Variants in LINGO2 observed in about 807,000 individuals in gnomAD.
LINGO2 encodes leucine-rich repeat and immunoglobulin-like domain-containing nogo receptor-interacting protein 2.
Under a neutral mutation model 30.6 loss-of-function variants are expected in LINGO2, and 14 were observed. That is an observed-to-expected ratio of 0.46 (90% CI 0.30 to 0.72). The LOEUF (loss-of-function observed/expected upper bound fraction) is 0.72, where lower values mean the gene tolerates loss of function less well. Ranked by LOEUF, LINGO2 falls within the 30% of genes least tolerant of loss-of-function variation. LINGO2 has a pLI of 0.07. For synonymous variants in LINGO2, 317 were observed against 288.5 expected (o/e 1.10, Z -1.00); for missense variants, 729 against 751.7 (o/e 0.97, Z 0.35).
At chr9:29,015,420 C>T in the LINGO2 span, among the ~76,000 whole-genome samples, 2 of 152,124 alleles carry the variant, frequency 1.3e-5, no homozygotes, top group Non-Finnish European at 2.9e-5. Flanking sequence ...GGGGGCCAGA[C>T]AATAAATGCT....
chr9:29,074,562 T>C, the LINGO2 span, among the ~76,000 whole-genome samples: 1 of 152,162 alleles, frequency 6.6e-6, no homozygotes, highest in Non-Finnish European at 1.5e-5. Context: ...ATGGAGATAA[T>C]GGCACATCCA....
intron 4 of LINGO2, among the ~76,000 whole-genome samples, chr9:28,067,843 AC>A (rs1825359873): frequency 6.6e-6 from 1 of 152,222 alleles, no homozygotes; most frequent in Admixed American, 6.6e-5. Context: ...CGATGTAGAT[AC>A]GTTGGGCATT....
chr9:29,002,810 C>A, the LINGO2 span, among the ~76,000 whole-genome samples: 2 of 152,012 alleles, frequency 1.3e-5, no homozygotes, highest in African/African-American at 4.8e-5. Flanking sequence ...GTGTAGTGTC[C>A]TTTACCTGCT....
At chr9:29,059,723 T>C in the LINGO2 span, among the ~76,000 whole-genome samples, 1 of 152,062 alleles carries the variant, frequency 6.6e-6, no homozygotes, top group African/African-American at 2.4e-5. Context: ...CAGCCTGACG[T>C]TATCATAATT....
the LINGO2 span, among the ~76,000 whole-genome samples, chr9:28,798,370 G>T: frequency 6.6e-6 from 1 of 152,186 alleles, no homozygotes; most frequent in East Asian, 1.9e-4. Flanking sequence ...GACACAAGTA[G>T]AGAAGTTGAC....
chr9:28,179,383 A>G (rs1828839618), intron 4 of LINGO2, among the ~76,000 whole-genome samples: 1 of 132,264 alleles, frequency 7.6e-6, no homozygotes, highest in Admixed American at 8.0e-5. Context: ...TATGCTATAT[A>G]TAGTATATAT....
intron 4 of LINGO2, among the ~76,000 whole-genome samples, chr9:28,255,185 C>T (rs562510019): frequency 6.6e-6 from 1 of 151,926 alleles, no homozygotes; most frequent in Non-Finnish European, 1.5e-5. Context: ...CCTTCCTTCC[C>T]TCCCTCTCTC....
chr9:28,712,613 T>C, the LINGO2 span, among the ~76,000 whole-genome samples: 2 of 151,512 alleles, frequency 1.3e-5, no homozygotes, highest in Admixed American at 6.6e-5. Context: ...ATGACTACAA[T>C]AAGGATTAAA....
the LINGO2 span, among the ~76,000 whole-genome samples, chr9:28,987,439 T>TC: frequency 6.6e-6 from 1 of 152,062 alleles, no homozygotes; most frequent in Non-Finnish European, 1.5e-5. Flanking sequence ...CTCTATTTTT[T>TC]CACAGTTGAC....
At chr9:28,331,193 C>A (rs903383317) in intron 3 of LINGO2, among the ~76,000 whole-genome samples, 2 of 151,954 alleles carry the variant, frequency 1.3e-5, no homozygotes, top group Non-Finnish European at 2.9e-5. Context: ...CTCAATAAAT[C>A]TTAAACATTA....
chr9:28,264,616 G>A (rs1247631292), intron 4 of LINGO2, among the ~76,000 whole-genome samples: 1 of 151,882 alleles, frequency 6.6e-6, no homozygotes, highest in Non-Finnish European at 1.5e-5. Flanking sequence ...AGGCAACAGG[G>A]CATGCTATGG....
chr9:29,173,897 A>T, the LINGO2 span, among the ~76,000 whole-genome samples: 1 of 152,142 alleles, frequency 6.6e-6, no homozygotes, highest in Admixed American at 6.5e-5. Context: ...ATTTTACAAC[A>T]TTGGCACACA....
intron 1 of LINGO2, among the ~76,000 whole-genome samples, chr9:28,599,477 T>C (rs905662397): frequency 6.6e-6 from 1 of 152,154 alleles, no homozygotes; most frequent in Non-Finnish European, 1.5e-5. Flanking sequence ...TAAATAGATG[T>C]TTGAAAATGT....
chr9:28,387,193 C>T (rs886440357), intron 2 of LINGO2, among the ~76,000 whole-genome samples: 2 of 151,988 alleles, frequency 1.3e-5, no homozygotes, highest in African/African-American at 2.4e-5. Context: ...TGTAAAAACA[C>T]ACCAATCAGC....
chr9:27,972,600 T>C (rs1820409519), intron 5 of LINGO2, among the ~76,000 whole-genome samples: 1 of 152,114 alleles, frequency 6.6e-6, no homozygotes, highest in Non-Finnish European at 1.5e-5. Flanking sequence ...CAATCCCAGG[T>C]CTATTTACTG....
chr9:28,857,465 C>T, the LINGO2 span, among the ~76,000 whole-genome samples: 1 of 151,996 alleles, frequency 6.6e-6, no homozygotes, highest in African/African-American at 2.4e-5. Flanking sequence ...AAGTGACCAG[C>T]CTCAGGTCAC....
chr9:28,030,837 CAA>C (rs565068139), intron 4 of LINGO2, among the ~76,000 whole-genome samples: 103 of 147,722 alleles, frequency 7.0e-4, no homozygotes, highest in Admixed American at 2.5e-3. Flanking sequence ...AATGGAAAAA[CAA>C]AAAAAGCAGA....
At chr9:29,061,435 C>T in the LINGO2 span, among the ~76,000 whole-genome samples, 1 of 151,648 alleles carries the variant, frequency 6.6e-6, no homozygotes, top group Non-Finnish European at 1.5e-5. Context: ...TCAAAGTTTA[C>T]TACAAAGCTA....
intron 5 of LINGO2, among the ~76,000 whole-genome samples, chr9:28,005,475 C>A (rs35394040): frequency 1.3e-5 from 2 of 152,022 alleles, no homozygotes; most frequent in African/African-American, 4.8e-5. Flanking sequence ...TTTCCCTCTA[C>A]TTTTCTTCCC....
Sources: allele counts gnomAD v4.1 joint callset (sites outside exome capture counted in the v4.1 genomes callset), GRCh38; gene constraint gnomAD v4.1.1; transcripts MANE v1.5; gene names NCBI Gene and HGNC (gene_info 2026-07-23, HGNC 2026-07-21).